The following DLG2 variants were observed in gnomAD, a reference collection of about 807,000 sequenced individuals.
DLG2 encodes discs large MAGUK scaffold protein 2.
In DLG2, 45 loss-of-function variants were observed where a neutral mutation model predicts 132.5. The ratio of observed to expected loss-of-function variants is 0.34; its 90% CI spans 0.27 to 0.44. The LOEUF (loss-of-function observed/expected upper bound fraction) is 0.44. DLG2 is among the 20% of genes least tolerant of loss of function. The pLI, the probability that DLG2 is intolerant of heterozygous loss-of-function variation, is 1.00. For missense variants in DLG2, 1,045 were observed against 1,196.9 expected, an observed-to-expected ratio of 0.87 and a Z score of 1.87; for synonymous variants, 424 against 419.6, an observed-to-expected ratio of 1.01 and a Z score of -0.13.
At chr11:84,765,146 T>C (rs1379479078) in intron 6 of DLG2, among the ~76,000 whole-genome samples, 6 of 152,098 alleles carry the variant, frequency 3.9e-5, no homozygotes, top group African/African-American at 1.2e-4. Flanking sequence ...AAGCTTCTAA[T>C]AGGCAACAAA....
At chr11:85,445,845 G>T (rs1471727729) in intron 3 of DLG2, among the ~76,000 whole-genome samples, 1 of 152,094 alleles carries the variant, frequency 6.6e-6, no homozygotes, top group Non-Finnish European at 1.5e-5. Flanking sequence ...AAAATTTTGG[G>T]ATTGATGAAA....
chr11:85,281,270 T>C (rs1344363598), intron 4 of DLG2, among the ~76,000 whole-genome samples: 1 of 152,052 alleles, frequency 6.6e-6, no homozygotes, highest in Admixed American at 6.6e-5. Context: ...CCTCCAGGTC[T>C]TTTAAACTTA....
intron 6 of DLG2, among the ~76,000 whole-genome samples, chr11:85,056,722 CA>C (rs2063501116): frequency 1.3e-5 from 2 of 151,658 alleles, no homozygotes; most frequent in Admixed American, 1.3e-4. Context: ...TGCTGAAAAC[CA>C]ATGACAGAGA....
At chr11:84,979,672 G>A (rs917101133) in intron 6 of DLG2, among the ~76,000 whole-genome samples, 4 of 151,978 alleles carry the variant, frequency 2.6e-5, no homozygotes, top group Non-Finnish European at 4.4e-5. Context: ...GGGGGAGGGC[G>A]GAGGGATAGC....
At chr11:84,542,841 C>G (rs1263479085) in intron 6 of DLG2, among the ~76,000 whole-genome samples, 1 of 152,144 alleles carries the variant, frequency 6.6e-6, no homozygotes, top group Admixed American at 6.5e-5. Flanking sequence ...ATTGAGTATT[C>G]CCATCTAGGC....
At chr11:84,647,832 T>C (rs1006909122) in intron 6 of DLG2, among the ~76,000 whole-genome samples, 3 of 152,184 alleles carry the variant, frequency 2.0e-5, no homozygotes, top group Non-Finnish European at 4.4e-5. Context: ...TACAGTGAAA[T>C]GATTTCCATA....
intron 5 of DLG2, among the ~76,000 whole-genome samples, chr11:85,141,004 G>A (rs1386369052): frequency 6.6e-6 from 1 of 151,684 alleles, no homozygotes; most frequent in African/African-American, 2.4e-5. Context: ...TCCAAATCTT[G>A]GCTAAGTGAA....
chr11:83,726,489 A>G (rs959479387), intron 18 of DLG2, among the ~76,000 whole-genome samples: 1 of 152,204 alleles, frequency 6.6e-6, no homozygotes, highest in East Asian at 1.9e-4. Context: ...TTATTTTATG[A>G]TTGGTTATTG....
At chr11:84,841,019 A>T (rs2080594665) in intron 6 of DLG2, among the ~76,000 whole-genome samples, 1 of 151,576 alleles carries the variant, frequency 6.6e-6, no homozygotes, top group Non-Finnish European at 1.5e-5. Flanking sequence ...AAAAAAAAAA[A>T]TGGAAACAGT....
intron 6 of DLG2, among the ~76,000 whole-genome samples, chr11:84,815,819 G>A (rs2077029615): frequency 6.6e-6 from 1 of 152,048 alleles, no homozygotes; most frequent in Non-Finnish European, 1.5e-5. Context: ...AGGGTCTGGA[G>A]CTGTTAAACA....
intron 3 of DLG2, among the ~76,000 whole-genome samples, chr11:85,332,295 CCA>C (rs373103343): frequency 6.6e-6 from 1 of 152,026 alleles, no homozygotes; most frequent in East Asian, 1.9e-4. Context: ...TGTTCTTTGC[CCA>C]TTTTTTATTA....
chr11:83,599,344 C>T (rs1594205154), intron 19 of DLG2, among the ~76,000 whole-genome samples: 1 of 152,116 alleles, frequency 6.6e-6, no homozygotes. Flanking sequence ...ATGATAGATT[C>T]CTGAGGGCCT....
chr11:84,057,097 C>T (rs1437217212), intron 11 of DLG2, among the ~76,000 whole-genome samples: 1 of 152,160 alleles, frequency 6.6e-6, no homozygotes, highest in Admixed American at 6.6e-5. Context: ...CCCATTTCCC[C>T]ATTCCAGGTC....
intron 7 of DLG2, among the ~76,000 whole-genome samples, chr11:84,345,585 A>G (rs1450404448): frequency 6.6e-6 from 1 of 152,204 alleles, no homozygotes; most frequent in Non-Finnish European, 1.5e-5. Flanking sequence ...TATCTCCTAC[A>G]GTGAGAATCA....
chr11:85,556,836 TTC>T (rs1298366207), intron 3 of DLG2, among the ~76,000 whole-genome samples: 1 of 151,864 alleles, frequency 6.6e-6, no homozygotes, highest in African/African-American at 2.4e-5. Flanking sequence ...ACAAAGTTTA[TTC>T]TCTCTTCTAG....
At chr11:84,181,104 A>G (rs1442144561) in intron 8 of DLG2, among the ~76,000 whole-genome samples, 1 of 151,918 alleles carries the variant, frequency 6.6e-6, no homozygotes, top group African/African-American at 2.4e-5. Flanking sequence ...ATATGTGCTT[A>G]TATATACACA....
chr11:85,008,237 C>T (rs2058867610), intron 6 of DLG2, among the ~76,000 whole-genome samples: 2 of 152,064 alleles, frequency 1.3e-5, no homozygotes, highest in Non-Finnish European at 2.9e-5. Context: ...TCTGTGTAAA[C>T]TACTCCATGG....
At chr11:85,628,259 T>C (rs866885031), upstream of DLG2, among the ~76,000 whole-genome samples, 2 of 152,196 alleles carry the variant, frequency 1.3e-5, no homozygotes, top group Non-Finnish European at 2.9e-5. Flanking sequence ...AGTTCCCAGC[T>C]GCCCTGAGGA....
rs529069342 is a variant in DLG2 at position 85,483,290 on chromosome 11, G to C, written c.40+115367C>G. Among the ~76,000 whole-genome samples the C allele has an allele frequency of 2.6e-5, 4 of 152,342 alleles. No homozygotes were observed. In the East Asian group the frequency reaches 7.7e-4, roughly 29 times the overall value. On this transcript the variant is annotated intron_variant, in intron 3 of 27. Coordinates refer to ENST00000376104, the MANE Select transcript of DLG2 (RefSeq NM_001142699.3). ...TCTCAGCAGGGACGTTACAGGCCAA[G>C]AGAGAGTGAGATGATGTATTCAAAG...
Sources: allele counts gnomAD v4.1 joint callset (sites outside exome capture counted in the v4.1 genomes callset), GRCh38; gene constraint gnomAD v4.1.1; transcripts MANE v1.5; gene names NCBI Gene and HGNC (gene_info 2026-07-23, HGNC 2026-07-21).